Variants in SLC2A5 observed in about 807,000 individuals in gnomAD.
The protein encoded by SLC2A5 is solute carrier family 2 member 5.
Under a neutral mutation model 50.3 loss-of-function variants are expected in SLC2A5, and 56 were observed. The ratio of observed to expected loss-of-function variants is 1.11; its 90% confidence interval spans 0.90 to 1.39. The LOEUF is 1.39. Ranked by LOEUF, SLC2A5 falls within the 40% of genes most tolerant of loss-of-function variation. The pLI, the probability that SLC2A5 is intolerant of heterozygous loss-of-function variation, is 0.00. For missense variants in SLC2A5, 566 were observed against 650.1 expected, an observed-to-expected ratio of 0.87 and a Z score of 1.41; for synonymous variants, 269 against 281.9, an observed-to-expected ratio of 0.95 and a Z score of 0.46.
At chr1:9,044,686 C>T (rs1043186978) in intron 4 of SLC2A5, among the ~76,000 whole-genome samples, 1 of 152,128 alleles carries the variant, frequency 6.6e-6, no homozygotes, top group Non-Finnish European at 1.5e-5. Context: ...TCCCTAGTAG[C>T]TGGGATTACA....
At chr1:9,046,680 GT>G (rs1641443414) in intron 4 of SLC2A5, among the ~76,000 whole-genome samples, 3 of 151,868 alleles carry the variant, frequency 2.0e-5, no homozygotes, top group Admixed American at 2.0e-4. Flanking sequence ...GTGTGTGTGT[GT>G]GTGTGTGTGT....
At chr1:9,082,100 C>T (rs533417814) in intron 2 of SLC2A5, among the ~76,000 whole-genome samples, 8 of 151,988 alleles carry the variant, frequency 5.3e-5, no homozygotes, top group African/African-American at 7.2e-5. Context: ...TAAAATAAAA[C>T]GAATGTTGTT....
intron 3 of SLC2A5, among the ~76,000 whole-genome samples, chr1:9,053,543 TTATATATTTATATATATTA>T (rs1357513471): frequency 1.0e-5 from 1 of 97,624 alleles, no homozygotes; most frequent in Non-Finnish European, 2.0e-5. Flanking sequence ...TTAATATATA[TTATATATTTATATATATTA>T]TATATATTTA....
Position 9,041,870 on chromosome 1 carries a change from G to C in SLC2A5, c.486C>G (p.Leu162=), listed in dbSNP as rs774490638. The C allele has an allele frequency of 1.2e-4, 200 of 1,613,894 alleles. No homozygotes were observed. Among genetic ancestry groups the C allele is most frequent in the Non-Finnish European group, 1.6e-4 (192 of 1,180,010 alleles). ...ELAPKNLRGA[L]GVVPQLFITV... ...TGATGAAGAGCTGGGGCACCACCCC[G>C]AGAGCCCCCCGCAGGTTTTTAGGGG... is the stretch of plus-strand genomic sequence containing the variant. The change falls in exon 5 of 12, where the codon CTC becomes CTG. Residue 162 remains leucine (L), a synonymous_variant. Coordinates refer to ENST00000377424, the MANE Select transcript of SLC2A5 (RefSeq NM_003039.3).
In SLC2A5 at chr1:9,057,456, T is replaced by C; in HGVS notation, c.285A>G (p.Lys95=). ...AATTCACCTTCCCTTACCTGCCAAA[T>C]TTATTCACCAAGGGGCCGACCAGGA... is the stretch of plus-strand genomic sequence containing the variant. ...GSLLVGPLVN[K]FGRKGALLFN... Residue 95 remains lysine, a synonymous_variant, in exon 3 of 12, where the codon AAA becomes AAG. Coordinates refer to ENST00000377424, the MANE Select transcript of SLC2A5 (RefSeq NM_003039.3). 1.9e-6 allele frequency: 3 copies of C among 1,608,884 alleles called. No homozygotes were observed. The highest frequency in any genetic ancestry group is 2.2e-5 in the South Asian group (2 of 90,554).
At chr1:9,088,121 A>C (rs1428370607) in intron 1 of SLC2A5, among the ~76,000 whole-genome samples, 2 of 152,074 alleles carry the variant, frequency 1.3e-5, no homozygotes, top group Non-Finnish European at 2.9e-5. Context: ...TCTGTCTTAG[A>C]TCCCGACCCT....
chr1:9,047,736 T>C lies in SLC2A5; in HGVS notation c.294-2A>G. On this transcript the variant is annotated splice_acceptor_variant, in intron 3 of 11. Coordinates refer to ENST00000377424, the MANE Select transcript of SLC2A5 (RefSeq NM_003039.3). LOFTEE classifies it high-confidence loss of function. ...TTGTTGAACAGCAAGGCCCCTTTTC[T>C]GCAGAGGACAAAATATCAGTTAGTT... is the stretch of plus-strand genomic sequence containing the variant. 1 of 1,612,790 alleles carries C rather than the reference T, an allele frequency of 6.2e-7. No individual in the cohort carries two copies. Among genetic ancestry groups the C allele is most frequent in the Non-Finnish European group, 8.5e-7 (1 of 1,179,512 alleles).
At position 9,037,591 on chromosome 1, in the gene SLC2A5, G is replaced by C; in HGVS notation, c.1501C>G (p.Gln501Glu). The change falls in exon 12 of 12, where the codon CAG (glutamine) becomes GAG (glutamate). Residue 501 changes from glutamine (Q) to glutamate (E), a missense_variant. Gln to Glu is a conservative substitution (Grantham distance 29). Transcript: ENST00000377424. ...CACTGGCTTCCTCTCCAGAGTCACT[G>C]TTCCGAAGTGACAGGTGGAAGCTCT... Reference protein sequence around the residue: ...LKELPPVTSEQ With the variant: ...LKELPPVTSEE The C allele has an allele frequency of 6.2e-7, 1 of 1,613,572 alleles. No homozygotes were observed. Among genetic ancestry groups the C allele is most frequent in the South Asian group, 1.1e-5 (1 of 91,060 alleles).
chr1:9,043,871 G>A (rs956772349), intron 4 of SLC2A5, among the ~76,000 whole-genome samples: 4 of 151,776 alleles, frequency 2.6e-5, no homozygotes, highest in Non-Finnish European at 5.9e-5. Flanking sequence ...ACAGGCGCCC[G>A]CCACCACGCC....
chr1:9,051,430 G>A (rs1236959139), intron 3 of SLC2A5, among the ~76,000 whole-genome samples: 1 of 152,128 alleles, frequency 6.6e-6, no homozygotes, highest in African/African-American at 2.4e-5. Context: ...TGTCCAAAAT[G>A]TACAAAGAAC....
chr1:9,090,765 G>C (rs1170818521), upstream of SLC2A5, among the ~76,000 whole-genome samples: 1 of 152,116 alleles, frequency 6.6e-6, no homozygotes, highest in Admixed American at 6.5e-5. Context: ...CTCCCCCAGG[G>C]GTTTAGGGAC....
At chr1:9,092,719 A>G (rs879846105), upstream of SLC2A5, among the ~76,000 whole-genome samples, 1 of 152,170 alleles carries the variant, frequency 6.6e-6, no homozygotes, top group Non-Finnish European at 1.5e-5. Flanking sequence ...CCCCAGGTTC[A>G]GGGTGCCTCT....
upstream of SLC2A5, among the ~76,000 whole-genome samples, chr1:9,074,238 T>C (rs1412751731): frequency 6.6e-6 from 1 of 152,180 alleles, no homozygotes; most frequent in African/African-American, 2.4e-5. Context: ...AACCAAAAAG[T>C]ATCTGAGACA....
chr1:9,042,436 A>T (rs1641327281), intron 4 of SLC2A5, among the ~76,000 whole-genome samples: 1 of 149,346 alleles, frequency 6.7e-6, no homozygotes, highest in East Asian at 2.0e-4. Flanking sequence ...CGCGCGCATG[A>T]TATATATGGC....
Position 9,047,608 on chromosome 1 carries a change from A to T in SLC2A5, c.418+2T>A. On this transcript the variant is annotated splice_donor_variant, in intron 4 of 11. Transcript: ENST00000377424. LOFTEE classifies it high-confidence loss of function. Reference sequence around the variant, plus strand: ...ATGGCAATACAGCATAGCATTGTTTACCTGCACATATTCCCACCAAAAGTC... The same window carrying T: ...ATGGCAATACAGCATAGCATTGTTTTCCTGCACATATTCCCACCAAAAGTC... 6.2e-7 allele frequency: 1 copy of T among 1,613,592 alleles called. No individual in the cohort carries two copies. Among genetic ancestry groups the T allele is most frequent in the Non-Finnish European group, 8.5e-7 (1 of 1,179,690 alleles).
rs45482698 is a variant in SLC2A5 at position 9,040,743 on chromosome 1, G to A, written c.572-554C>T. Reference sequence around the variant, plus strand: ...GCTTCACAAATGCCTAGAGGGCCGTGTGTGGTTCTGAGTCCTGCTATGGAG... The same window carrying A: ...GCTTCACAAATGCCTAGAGGGCCGTATGTGGTTCTGAGTCCTGCTATGGAG... On this transcript the variant is annotated intron_variant, in intron 5 of 11. Transcript: ENST00000377424. The surrounding 1 kb of genome is among the most constrained non-coding windows in gnomAD (Gnocchi z 4.3). 1 of 154,556 alleles carries A rather than the reference G, an allele frequency of 6.5e-6. No individual in the cohort carries two copies. Among genetic ancestry groups the A allele is most frequent in the Non-Finnish European group, 1.4e-5 (1 of 69,526 alleles). The allele number at this position is 154,556 out of a possible 1,614,324, so 9.6% of individuals were successfully genotyped here. A position where few individuals can be genotyped will look rare whatever the true frequency, so the allele number is the denominator to read the frequency against.
At chr1:9,077,179 C>T (rs994522322) in intron 2 of SLC2A5, among the ~76,000 whole-genome samples, 34 of 150,876 alleles carry the variant, frequency 2.3e-4, no homozygotes, top group Admixed American at 9.9e-4. Context: ...GCAGGCAGAT[C>T]GCTTGAGCTC....
At chr1:9,039,699 G>T in intron 7 of SLC2A5, 37 bp from the exon 8 acceptor site, 1 of 1,470,914 alleles carries the variant, frequency 6.8e-7, no homozygotes, top group Non-Finnish European at 9.0e-7. Flanking sequence ...GCTGCCCGGA[G>T]GAGGCGGCCT....
chr1:9,039,754 GC>G, intron 7 of SLC2A5, 45 bp downstream of exon 7: 4 of 1,419,688 alleles, frequency 2.8e-6, no homozygotes, highest in South Asian at 1.5e-5. Context: ...TGCGCCCCGC[GC>G]CCCCCGAGCC....
Sources: allele counts gnomAD v4.1 joint callset (sites outside exome capture counted in the v4.1 genomes callset), GRCh38; gene constraint gnomAD v4.1.1; non-coding constraint Gnocchi (gnomAD v3.1); transcripts MANE v1.5; gene names NCBI Gene and HGNC (gene_info 2026-07-23, HGNC 2026-07-21).